Variants in CDKN2B-AS1 observed in about 807,000 individuals in gnomAD.
The protein encoded by CDKN2B-AS1 is CDKN2B antisense RNA 1 (non-protein coding).
rs1189826267 is a variant in CDKN2B-AS1, at chr9:21,996,133, C to A, written n.29+972C>A. 1 of 152,252 alleles carries A rather than the reference C, an allele frequency of 6.6e-6. No individual in the cohort carries two copies. Among genetic ancestry groups the A allele is most frequent in the Non-Finnish European group, 1.5e-5 (1 of 68,102 alleles). 9.4% of individuals were successfully genotyped at this position (152,252 alleles called of 1,614,324 possible). A position where few individuals can be genotyped will look rare whatever the true frequency, so the allele number is the denominator to read the frequency against. ...AAAGTGAGGCCTGCACTGGCCGAGC[C>A]ACCCACTTAAGGCGGTGCGGTAGCC... On this transcript the variant is annotated intron_variant and non_coding_transcript_variant, in intron 1 of 4. Transcript: ENST00000650946. The surrounding 1 kb of genome is among the most constrained non-coding windows in gnomAD (Gnocchi z 5.4).
chr9:22,071,739 T>A (rs1409671664), intron 4 of CDKN2B-AS1, among the ~76,000 whole-genome samples: 1 of 152,178 alleles, frequency 6.6e-6, no homozygotes, highest in Non-Finnish European at 1.5e-5. Flanking sequence ...ATCTTCCTTT[T>A]GAATTATTTT....
rs1443528897 is a variant in CDKN2B-AS1, at chr9:21,997,616, A to C, written n.29+2455A>C. Among the ~76,000 whole-genome samples the C allele has an allele frequency of 1.3e-5, 2 of 152,154 alleles. No individual in the cohort carries two copies. Among genetic ancestry groups the C allele is most frequent in the Non-Finnish European group, 2.9e-5 (2 of 68,030 alleles). On this transcript the variant is annotated intron_variant and non_coding_transcript_variant, in intron 1 of 4. Transcript: ENST00000650946. This position sits in a 1 kb window ranked among gnomAD's most constrained non-coding sequence, Gnocchi z 4.8. ...TGTTGCAAGACTTGAATCCAAAGGCAATCTGGAAGCAGAATTTCTTCTTCC... is the reference window on the plus strand; with the variant it reads ...TGTTGCAAGACTTGAATCCAAAGGCCATCTGGAAGCAGAATTTCTTCTTCC...
At position 22,012,553 on chromosome 9, in the gene CDKN2B-AS1, C is replaced by T. The variant is rs1470253446; in HGVS notation, n.29+17392C>T. On this transcript the variant is annotated intron_variant and non_coding_transcript_variant, in intron 1 of 4. Transcript: ENST00000650946. ...AGGTCAAATAAGGCTCTTCCTTCCTCGGAGGGCAGCCTCCTGCCCAGGCCC... is the reference window on the plus strand; with the variant it reads ...AGGTCAAATAAGGCTCTTCCTTCCTTGGAGGGCAGCCTCCTGCCCAGGCCC... The T allele has an allele frequency of 1.6e-5, 9 of 555,802 alleles. 1 individual carries two copies. The highest frequency in any genetic ancestry group is 7.7e-5 in the South Asian group (5 of 65,154). The allele number at this position is 555,802 out of a possible 1,614,324, so 34.4% of individuals were successfully genotyped here. A position where few individuals can be genotyped will look rare whatever the true frequency, so the allele number is the denominator to read the frequency against.
intron 4 of CDKN2B-AS1, among the ~76,000 whole-genome samples, chr9:22,071,285 CTTTTTTTTTTTTTTTTTTT>C (rs71336509): frequency 1.5e-5 from 1 of 67,580 alleles, no homozygotes; most frequent in East Asian, 4.8e-4. Flanking sequence ...AAATATCTAG[CTTTTTTTTTTTTTTTTTTT>C]TTTTTTTTTT....
At position 22,009,180 on chromosome 9, in the gene CDKN2B-AS1, G is replaced by C. The variant is rs538226445; in HGVS notation, n.29+14019G>C. On this transcript the variant is annotated intron_variant and non_coding_transcript_variant, in intron 1 of 4. Coordinates refer to ENST00000650946, the Ensembl canonical transcript of CDKN2B-AS1. Reference sequence around the variant, plus strand: ...CTTTTCCTGGCGCTCAAGAACCAGCGGGCGCGCCTGGATTGCTTCTGGGAA... The same window carrying C: ...CTTTTCCTGGCGCTCAAGAACCAGCCGGCGCGCCTGGATTGCTTCTGGGAA... 9.0e-5 allele frequency: 58 copies of C among 644,896 alleles called. 1 individual carries two copies. The Admixed American group carries it at 1.4e-3, about 16-fold the overall frequency. 39.9% of individuals were successfully genotyped at this position (644,896 alleles called of 1,614,324 possible).
chr9:22,069,620 A>T (rs1824207230), intron 4 of CDKN2B-AS1, among the ~76,000 whole-genome samples: 1 of 152,196 alleles, frequency 6.6e-6, no homozygotes, highest in Non-Finnish European at 1.5e-5. Flanking sequence ...ATCAAGGTAT[A>T]TTTAGTGTAC....
intron 4 of CDKN2B-AS1, among the ~76,000 whole-genome samples, chr9:22,088,966 A>G (rs1587514265): frequency 6.6e-6 from 1 of 152,282 alleles, no homozygotes. Context: ...TCAGCAGCAT[A>G]CCACACACCT....
rs914061979 is a variant in CDKN2B-AS1, at chr9:22,000,772, A to G, written n.29+5611A>G. ...AAAATATATAATAACAAACAATAACAGTACTTGCAGCTTAATTAAAGAAAA... is the reference window on the plus strand; with the variant it reads ...AAAATATATAATAACAAACAATAACGGTACTTGCAGCTTAATTAAAGAAAA... On this transcript the variant is annotated intron_variant and non_coding_transcript_variant, in intron 1 of 4. Coordinates refer to ENST00000650946, the Ensembl canonical transcript of CDKN2B-AS1. This position sits in a 1 kb window ranked among gnomAD's most constrained non-coding sequence, Gnocchi z 4.1. Among the ~76,000 whole-genome samples, 1 of 152,228 alleles carries G rather than the reference A, an allele frequency of 6.6e-6. No homozygotes were observed. Among genetic ancestry groups the G allele is most frequent in the Non-Finnish European group, 1.5e-5 (1 of 68,028 alleles).
At chr9:22,116,157 T>C (rs1825944875) in intron 4 of CDKN2B-AS1, among the ~76,000 whole-genome samples, 1 of 152,200 alleles carries the variant, frequency 6.6e-6, no homozygotes, top group African/African-American at 2.4e-5. Flanking sequence ...ACTTTTATAA[T>C]TGATAATTTG....
intron 4 of CDKN2B-AS1, among the ~76,000 whole-genome samples, chr9:22,080,936 A>G (rs1293748273): frequency 1.3e-5 from 2 of 152,228 alleles, no homozygotes; most frequent in African/African-American, 2.4e-5. Context: ...TTGCATGAGA[A>G]TTAGCCTATG....
At chr9:22,125,826 T>C (rs1044952085) in intron 4 of CDKN2B-AS1, among the ~76,000 whole-genome samples, 1 of 152,024 alleles carries the variant, frequency 6.6e-6, no homozygotes, top group Admixed American at 6.5e-5. Flanking sequence ...TTACAGTATA[T>C]CTAAAAAAAG....
intron 4 of CDKN2B-AS1, chr9:22,111,940 T>C (rs1014331680): frequency 1.3e-5 from 2 of 152,180 alleles, no homozygotes; most frequent in Non-Finnish European, 1.5e-5. Context: ...GCTCTGATTT[T>C]GACATGAAAG....
chr9:22,022,358 T>C lies in CDKN2B-AS1; in HGVS notation n.30-24393T>C, dbSNP rs150434769. ...TTCCTGTGTTGGGTGTATATATATTTAGGATAGTTAGATTTTCTCGTTGAA... is the reference window on the plus strand; with the variant it reads ...TTCCTGTGTTGGGTGTATATATATTCAGGATAGTTAGATTTTCTCGTTGAA... On this transcript the variant is annotated intron_variant and non_coding_transcript_variant, in intron 1 of 4. Coordinates refer to ENST00000650946, the Ensembl canonical transcript of CDKN2B-AS1. Among the ~76,000 whole-genome samples, 337 of 152,294 alleles carry C rather than the reference T, an allele frequency of 2.2e-3. 3 individuals are homozygous for C. The Middle Eastern group carries it at 0.034, about 15-fold the overall frequency.
intron 1 of CDKN2B-AS1, among the ~76,000 whole-genome samples, chr9:22,010,216 G>T (rs552161147): frequency 1.3e-5 from 2 of 152,316 alleles, no homozygotes; most frequent in African/African-American, 4.8e-5. Context: ...ATTCTCTTCT[G>T]AAGATTTAAA....
At chr9:22,102,005 A>G (rs1563982813) in intron 4 of CDKN2B-AS1, among the ~76,000 whole-genome samples, 2 of 152,142 alleles carry the variant, frequency 1.3e-5, no homozygotes, top group South Asian at 4.1e-4. Context: ...TATGGTCATA[A>G]CTCAGCTCTC....
chr9:22,114,192 T>G (rs575488839), intron 4 of CDKN2B-AS1, among the ~76,000 whole-genome samples: 16 of 152,238 alleles, frequency 1.1e-4, no homozygotes, highest in Non-Finnish European at 2.1e-4. Flanking sequence ...ACTTCTGTCA[T>G]GACCTAGTTG....
intron 1 of CDKN2B-AS1, among the ~76,000 whole-genome samples, chr9:22,027,460 G>A (rs1348396926): frequency 1.3e-5 from 2 of 152,022 alleles, no homozygotes; most frequent in Admixed American, 6.6e-5. Context: ...ACATAATATC[G>A]CTGATAAGAG....
chr9:22,009,003 A>G, intron 1 of CDKN2B-AS1: 4 of 1,612,806 alleles, frequency 2.5e-6, no homozygotes, highest in Non-Finnish European at 3.4e-6. Flanking sequence ...CGTTGGCCGT[A>G]AACTTAACGA....
intron 4 of CDKN2B-AS1, chr9:22,058,586 T>C (rs1416482902): frequency 6.6e-6 from 1 of 152,256 alleles, no homozygotes. Flanking sequence ...AGCCCAATTA[T>C]GCTGTGGTAA....
Sources: allele counts gnomAD v4.1 joint callset (sites outside exome capture counted in the v4.1 genomes callset), GRCh38; gene constraint gnomAD v4.1.1; non-coding constraint Gnocchi (gnomAD v3.1); transcripts MANE v1.5; gene names NCBI Gene and HGNC (gene_info 2026-07-23, HGNC 2026-07-21).